Variants in GRIK1 observed in about 807,000 individuals in gnomAD.
GRIK1 encodes the protein glutamate ionotropic receptor kainate type subunit 1, also known as glutamate receptor ionotropic, kainate 1.
In GRIK1, 69 loss-of-function variants were observed where a neutral mutation model predicts 105.7. That is an observed-to-expected ratio of 0.65 (90% CI 0.54 to 0.80). The LOEUF is 0.80. Among genes scored for constraint, GRIK1 ranks in the 30% least tolerant of loss-of-function variants. GRIK1 has a pLI of 0.00. For missense variants in GRIK1, 1,109 were observed against 1,167.3 expected, an observed-to-expected ratio of 0.95 and a Z score of 0.73; for synonymous variants, 438 against 431.3, an observed-to-expected ratio of 1.02 and a Z score of -0.19.
At chr21:29,607,974 G>A (rs745770122) in intron 7 of GRIK1, among the ~76,000 whole-genome samples, 1 of 152,062 alleles carries the variant, frequency 6.6e-6, no homozygotes, top group Non-Finnish European at 1.5e-5. Flanking sequence ...GTTTCAGATC[G>A]TGAGCTAATG....
chr21:29,761,934 GACA>G (rs1353332945), intron 1 of GRIK1, among the ~76,000 whole-genome samples: 1 of 152,098 alleles, frequency 6.6e-6, no homozygotes, highest in African/African-American at 2.4e-5. Context: ...TTTTAGTAGA[GACA>G]GGGTTTCACC....
intron 1 of GRIK1, among the ~76,000 whole-genome samples, chr21:29,758,648 G>T (rs547156167): frequency 7.4e-4 from 112 of 152,332 alleles, no homozygotes; most frequent in African/African-American, 2.6e-3. Flanking sequence ...GACGTTGTTG[G>T]AAGGGATTGC....
At chr21:29,674,724 G>A (rs1429393147) in intron 3 of GRIK1, among the ~76,000 whole-genome samples, 2 of 152,052 alleles carry the variant, frequency 1.3e-5, no homozygotes, top group Non-Finnish European at 2.9e-5. Context: ...TGCCATGATT[G>A]TAAATTTCCT....
In GRIK1 at chr21:29,689,850, T is replaced by C. The variant is rs1186068694; in HGVS notation, c.422A>G (p.Asp141Gly). The C allele has an allele frequency of 1.2e-6, 2 of 1,613,930 alleles. No individual in the cohort carries two copies. Among genetic ancestry groups the C allele is most frequent in the Non-Finnish European group, 1.7e-6 (2 of 1,179,982 alleles). Reference sequence around the variant, plus strand: ...GTTGATGTAAAACAAATCTTTGTTGTCCACCGAGGGGTGTTTCCAGCGGGT... The same window carrying C: ...GTTGATGTAAAACAAATCTTTGTTGCCCACCGAGGGGTGTTTCCAGCGGGT... ...IQTRWKHPSV[D>G]NKDLFYINLY... The change falls in exon 3 of 18, where the codon GAC becomes GGC. Residue 141 changes from aspartate (D) to glycine (G), a missense_variant. Coordinates refer to ENST00000327783, the MANE Select transcript of GRIK1 (RefSeq NM_001330994.2).
At chr21:29,695,480 A>ATATG (rs1438331198) in intron 1 of GRIK1, among the ~76,000 whole-genome samples, 27 of 139,696 alleles carry the variant, frequency 1.9e-4, no homozygotes, top group Admixed American at 4.9e-4. Context: ...ATCTATCTAT[A>ATATG]TATATATATT....
chr21:29,848,779 A>ATATATATATATATTTTTTTTTTTTTTT, intron 1 of GRIK1, among the ~76,000 whole-genome samples: 1 of 77,882 alleles, frequency 1.3e-5, no homozygotes, highest in African/African-American at 5.8e-5. Context: ...ATATATATAT[A>ATATATATATATATTTTTTTTTTTTTTT]TTTTTTTTTT....
chr21:29,707,207 G>T (rs2063929279), intron 1 of GRIK1, among the ~76,000 whole-genome samples: 2 of 152,016 alleles, frequency 1.3e-5, no homozygotes, highest in Admixed American at 6.6e-5. Flanking sequence ...TGTGTGTGGA[G>T]ACATTTTTTA....
At chr21:29,781,551 T>G (rs931395780) in intron 1 of GRIK1, among the ~76,000 whole-genome samples, 2 of 152,134 alleles carry the variant, frequency 1.3e-5, no homozygotes, top group African/African-American at 4.8e-5. Flanking sequence ...AGTTGTTGTA[T>G]GCACTTTTAA....
intron 14 of GRIK1, among the ~76,000 whole-genome samples, chr21:29,574,321 G>T (rs2090831822): frequency 6.6e-6 from 1 of 152,188 alleles, no homozygotes; most frequent in African/African-American, 2.4e-5. Flanking sequence ...TTACATTTGT[G>T]CTGAACATCT....
At chr21:29,873,648 G>A (rs56336571) in intron 1 of GRIK1, among the ~76,000 whole-genome samples, 1,620 of 152,254 alleles carry the variant, frequency 0.011, 25 homozygotes, top group African/African-American at 0.037. Flanking sequence ...GAAGCATCTA[G>A]CAGGACAGTG....
intron 1 of GRIK1, among the ~76,000 whole-genome samples, chr21:29,816,305 G>C (rs1261702047): frequency 6.6e-6 from 1 of 152,108 alleles, no homozygotes; most frequent in East Asian, 1.9e-4. Flanking sequence ...AGCAAATACT[G>C]ATGAGGATGA....
intron 7 of GRIK1, among the ~76,000 whole-genome samples, chr21:29,617,481 G>A (rs1451880965): frequency 6.6e-6 from 1 of 152,180 alleles, no homozygotes; most frequent in East Asian, 1.9e-4. Flanking sequence ...TTAATAAAGT[G>A]ATGCTCTTAA....
chr21:29,824,781 G>A (rs1364155525), intron 1 of GRIK1, among the ~76,000 whole-genome samples: 1 of 151,946 alleles, frequency 6.6e-6, no homozygotes, highest in Non-Finnish European at 1.5e-5. Flanking sequence ...TAGTTTAATG[G>A]CAATACTATG....
chr21:29,740,203 C>T (rs536522490), intron 1 of GRIK1, among the ~76,000 whole-genome samples: 7 of 151,582 alleles, frequency 4.6e-5, no homozygotes. Context: ...GCTCCTCATG[C>T]TGCCCTTATT....
intron 7 of GRIK1, among the ~76,000 whole-genome samples, chr21:29,603,848 C>A (rs575691680): frequency 2.0e-5 from 3 of 152,176 alleles, no homozygotes; most frequent in Non-Finnish European, 4.4e-5. Flanking sequence ...TGCCTCTAAA[C>A]AAGGTACTGT....
Position 29,939,547 on chromosome 21 carries a change from C to T in GRIK1, c.-47G>A. ...GCCGAGATACAGCCGCTGCCGGACG[C>T]CCGAGAGATGCACCCAACTTGGGCC... On this transcript the variant is annotated 5_prime_UTR_variant, in exon 1 of 18. Coordinates refer to ENST00000327783, the MANE Select transcript of GRIK1 (RefSeq NM_001330994.2). 1 of 1,250,160 alleles carries T rather than the reference C, an allele frequency of 8.0e-7. No homozygotes were observed. The highest frequency in any genetic ancestry group is 1.4e-5 in the South Asian group (1 of 72,064). 77.4% of individuals were successfully genotyped at this position (1,250,160 alleles called of 1,614,324 possible).
intron 7 of GRIK1, among the ~76,000 whole-genome samples, chr21:29,620,785 A>ATATC (rs2061970304): frequency 8.9e-6 from 1 of 112,778 alleles, no homozygotes; most frequent in African/African-American, 4.9e-5. Context: ...ATATATAGAT[A>ATATC]TATATATCTA....
intron 7 of GRIK1, among the ~76,000 whole-genome samples, chr21:29,625,764 G>T (rs77706151): frequency 5.3e-4 from 80 of 152,120 alleles, no homozygotes; most frequent in African/African-American, 1.8e-3. Context: ...TACAATTCCT[G>T]CCAGCACTTC....
chr21:29,791,509 TG>T (rs554227421), intron 1 of GRIK1, among the ~76,000 whole-genome samples: 7 of 149,948 alleles, frequency 4.7e-5, no homozygotes, highest in African/African-American at 1.7e-4. Flanking sequence ...AGAAGGGAAG[TG>T]GGGGGGGAAT....
Sources: allele counts gnomAD v4.1 joint callset (sites outside exome capture counted in the v4.1 genomes callset), GRCh38; gene constraint gnomAD v4.1.1; transcripts MANE v1.5; gene names NCBI Gene and HGNC (gene_info 2026-07-23, HGNC 2026-07-21).